The following DYNC2LI1 variants were observed in gnomAD, a reference collection of about 807,000 sequenced individuals.
DYNC2LI1 encodes the protein cytoplasmic dynein 2 light intermediate chain 1.
Under a neutral mutation model 51.9 loss-of-function variants are expected in DYNC2LI1, and 45 were observed. The ratio of observed to expected loss-of-function variants is 0.87; its 90% CI spans 0.68 to 1.11. The LOEUF is 1.11. DYNC2LI1 is among the 50% of genes most tolerant of loss of function. The probability of loss-of-function intolerance (pLI) is 0.00; values close to 1 mark genes in which losing one functional copy is unlikely to be tolerated. For synonymous variants in DYNC2LI1, 130 were observed against 137.8 expected (o/e 0.94, Z 0.40); for missense variants, 490 against 417.4 (o/e 1.17, Z -1.51).
At chr2:43,814,717 T>A (rs1244354086), downstream of DYNC2LI1, 9 of 608,198 alleles carry the variant, frequency 1.5e-5, no homozygotes, top group East Asian at 2.6e-4. Flanking sequence ...ATAAAAATGA[T>A]GCTCACTATA....
the DYNC2LI1 span, among the ~76,000 whole-genome samples, chr2:43,825,941 A>G: frequency 6.6e-6 from 1 of 151,468 alleles, no homozygotes; most frequent in South Asian, 2.1e-4. Flanking sequence ...TTCCCCTCTC[A>G]GGAGCTGTTG....
chr2:43,820,637 C>T, the DYNC2LI1 span, among the ~76,000 whole-genome samples: 1 of 152,122 alleles, frequency 6.6e-6, no homozygotes, highest in Non-Finnish European at 1.5e-5. Flanking sequence ...ATTCTACCAA[C>T]CCCTTCCACT....
Position 43,774,076 on chromosome 2 carries a change from GCCTGAT to G in DYNC2LI1, c.-62_-57del. 6.2e-7 allele frequency: 1 copy of G among 1,606,706 alleles called. No individual in the cohort carries two copies. The highest frequency in any genetic ancestry group is 8.5e-7 in the Non-Finnish European group (1 of 1,176,320). ...TCCCAGACTCCTTGCGGAGCTCGCC[GCCTGAT>G]TCTAGGCTGGTCACTACTCCGAGCC... On this transcript the variant is annotated 5_prime_UTR_variant, in exon 1 of 13. Transcript: ENST00000260605.
Position 43,781,546 on chromosome 2 carries a change from A to G in DYNC2LI1, c.127-1974A>G, listed in dbSNP as rs192908197. On this transcript the variant is annotated intron_variant, in intron 2 of 12. Transcript: ENST00000260605. ...GCCCTTATTAATTTAGAACTTTTACAGCATACTACATATGATACAAGTTCA... is the reference window on the plus strand; with the variant it reads ...GCCCTTATTAATTTAGAACTTTTACGGCATACTACATATGATACAAGTTCA... 3.9e-3 allele frequency: 587 copies of G among 151,984 alleles called. 4 individuals are homozygous for G. The highest frequency in any genetic ancestry group is 0.014 in the African/African-American group (565 of 41,362). 9.4% of individuals were successfully genotyped at this position (151,984 alleles called of 1,614,324 possible). A position where few individuals can be genotyped will look rare whatever the true frequency, so the allele number is the denominator to read the frequency against.
chr2:43,825,651 C>T, the DYNC2LI1 span, among the ~76,000 whole-genome samples: 1 of 152,150 alleles, frequency 6.6e-6, no homozygotes, highest in Non-Finnish European at 1.5e-5. Flanking sequence ...CTCACTCTGT[C>T]ACCCAGGCTG....
chr2:43,809,563 A>G (rs1666406154), intron 12 of DYNC2LI1, 142 bp from the exon 13 acceptor site: 1 of 673,986 alleles, frequency 1.5e-6, no homozygotes, highest in African/African-American at 1.8e-5. Flanking sequence ...ATCATTTACA[A>G]AATAATTGGC....
intron 5 of DYNC2LI1, among the ~76,000 whole-genome samples, chr2:43,790,343 A>G (rs1322985363): frequency 6.6e-6 from 1 of 152,230 alleles, no homozygotes; most frequent in Non-Finnish European, 1.5e-5. Context: ...CTTAGCTAAG[A>G]AAAACAATTT....
At chr2:43,813,708 C>CTTTTTTTTTTTTTTT (rs1558715512), downstream of DYNC2LI1, among the ~76,000 whole-genome samples, 2 of 35,374 alleles carry the variant, frequency 5.7e-5, no homozygotes, top group African/African-American at 1.0e-4. Context: ...TTTTTTTTTT[C>CTTTTTTTTTTTTTTT]GTTTTTTTTT....
chr2:43,823,602 T>C, the DYNC2LI1 span, among the ~76,000 whole-genome samples: 3 of 152,194 alleles, frequency 2.0e-5, no homozygotes, highest in Non-Finnish European at 4.4e-5. Context: ...CCCCATGGGC[T>C]GTGCATCTGA....
intron 12 of DYNC2LI1, 140 bp downstream of exon 12, chr2:43,805,386 T>C: frequency 2.0e-6 from 1 of 503,934 alleles, no homozygotes; most frequent in Non-Finnish European, 3.5e-6. Context: ...GTAGTACATC[T>C]ATTTAAATAA....
chr2:43,823,158 A>T, the DYNC2LI1 span, among the ~76,000 whole-genome samples: 3 of 152,188 alleles, frequency 2.0e-5, no homozygotes. Flanking sequence ...AAAAGATGTC[A>T]TTTATTTCCT....
chr2:43,801,261 T>C (rs1359134129), intron 9 of DYNC2LI1: 2 of 157,976 alleles, frequency 1.3e-5, no homozygotes, highest in African/African-American at 4.8e-5. Context: ...AATAAAATAA[T>C]GATAATATTA....
chr2:43,788,094 A>G (rs1673606638), intron 4 of DYNC2LI1, among the ~76,000 whole-genome samples: 1 of 152,214 alleles, frequency 6.6e-6, no homozygotes, highest in Non-Finnish European at 1.5e-5. Context: ...ATGAGTAATA[A>G]GCCTAGAAAT....
chr2:43,807,672 G>C (rs1666313380), intron 12 of DYNC2LI1, among the ~76,000 whole-genome samples: 1 of 138,800 alleles, frequency 7.2e-6, no homozygotes, highest in African/African-American at 2.7e-5. Context: ...TCCTGAGTTG[G>C]CCTCCCAAAG....
chr2:43,784,838 G>T (rs557170031), intron 3 of DYNC2LI1, among the ~76,000 whole-genome samples: 1 of 152,054 alleles, frequency 6.6e-6, no homozygotes, highest in Non-Finnish European at 1.5e-5. Flanking sequence ...CTTAAAAGTG[G>T]CATTTGGCTT....
the DYNC2LI1 span, among the ~76,000 whole-genome samples, chr2:43,817,329 A>G: frequency 6.6e-6 from 1 of 151,948 alleles, no homozygotes; most frequent in Non-Finnish European, 1.5e-5. Flanking sequence ...TACCAAAAAT[A>G]CAAAAATTAG....
At position 43,794,637 on chromosome 2, in the gene DYNC2LI1, T is replaced by C. The variant is rs1268730120; in HGVS notation, c.501T>C (p.Asp167=). 1.2e-6 allele frequency: 2 copies of C among 1,614,104 alleles called. No individual in the cohort carries two copies. The highest frequency in any genetic ancestry group is 1.3e-5 in the African/African-American group (1 of 75,056). Residue 167 remains aspartate, a synonymous_variant, in exon 6 of 13, where the codon GAT becomes GAC. Coordinates refer to ENST00000260605, the MANE Select transcript of DYNC2LI1 (RefSeq NM_016008.4). ...RQKIWNNMPK[D]HPDHELIDPF... The stretch of plus-strand genomic sequence containing the variant: ...AGATCTGGAATAATATGCCGAAGGA[T>C]CATCCTGTGAGTTGCTGTTTGGGAT...
the DYNC2LI1 span, chr2:43,825,036 G>A: frequency 5.8e-4 from 940 of 1,612,748 alleles, no homozygotes; most frequent in Non-Finnish European, 7.4e-4. Context: ...GACAACAGAC[G>A]TAGTTAGTGT....
Position 43,801,635 on chromosome 2 carries a change from G to A in DYNC2LI1, c.732-4G>A, listed in dbSNP as rs371510361. 74 of 1,604,154 alleles carry A rather than the reference G, an allele frequency of 4.6e-5. 1 individual carries two copies. In the South Asian group the frequency reaches 5.2e-4, roughly 11 times the overall value. ...AATTTAGAATCTTTCTCTTCTCCAC[G>A]TAGCAAATCAATATGTGTGGATCAG... On this transcript the variant is annotated splice_polypyrimidine_tract_variant and splice_region_variant and intron_variant, in intron 9 of 12. Transcript: ENST00000260605.
Sources: allele counts gnomAD v4.1 joint callset (sites outside exome capture counted in the v4.1 genomes callset), GRCh38; gene constraint gnomAD v4.1.1; transcripts MANE v1.5; gene names NCBI Gene and HGNC (gene_info 2026-07-23, HGNC 2026-07-21).